Variants in RYR3 observed in about 807,000 individuals in gnomAD.
RYR3 encodes brain ryanodine receptor-calcium release channel.
In RYR3, 207 loss-of-function variants were observed where a neutral mutation model predicts 584.3. The ratio of observed to expected loss-of-function variants is 0.35; its 90% CI spans 0.32 to 0.40. RYR3 has a LOEUF of 0.40. Ranked by LOEUF, RYR3 falls within the 10% of genes least tolerant of loss-of-function variation. The pLI, the probability that RYR3 is intolerant of heterozygous loss-of-function variation, is 1.00. For missense variants in RYR3, 5,616 were observed against 6,089.2 expected, an observed-to-expected ratio of 0.92 and a Z score of 2.59; for synonymous variants, 2,416 against 2,248.5, an observed-to-expected ratio of 1.07 and a Z score of -2.11.
intron 16 of RYR3, among the ~76,000 whole-genome samples, chr15:33,596,344 G>A (rs1002664977): frequency 1.3e-5 from 2 of 151,710 alleles, no homozygotes; most frequent in African/African-American, 4.8e-5. Context: ...AAATATTTGT[G>A]CCATTACATT....
chr15:33,625,031 T>A (rs2060913694), intron 20 of RYR3, among the ~76,000 whole-genome samples: 1 of 152,190 alleles, frequency 6.6e-6, no homozygotes. Context: ...AAGAACTACC[T>A]GAGACTGGGT....
intron 51 of RYR3, among the ~76,000 whole-genome samples, chr15:33,741,271 A>T (rs1486727181): frequency 6.6e-6 from 1 of 152,216 alleles, no homozygotes; most frequent in Non-Finnish European, 1.5e-5. Context: ...TGAAAGGCCA[A>T]CCTGGCCTTA....
intron 67 of RYR3, among the ~76,000 whole-genome samples, chr15:33,798,476 A>G (rs116299348): frequency 0.029 from 4,491 of 152,324 alleles, 202 homozygotes; most frequent in African/African-American, 0.099. Context: ...AGTTCCAGCC[A>G]TCATATTTTC....
intron 56 of RYR3, 45 bp from the exon 57 acceptor site, chr15:33,750,118 T>G: frequency 6.2e-7 from 1 of 1,607,616 alleles, no homozygotes; most frequent in Non-Finnish European, 8.5e-7. Flanking sequence ...CTCCCAGAAG[T>G]GCAAAGGAAG....
At position 33,377,301 on chromosome 15, in the gene RYR3, G is replaced by A. The variant is rs561537860; in HGVS notation, c.51+66205G>A. On this transcript the variant is annotated intron_variant, in intron 1 of 103. Transcript: ENST00000634891. The stretch of plus-strand genomic sequence containing the variant: ...GGGCAGCTCTTCTCTAAACAATGAC[G>A]CAGACACCCTGGCTGCTTCCATCTG... Among the ~76,000 whole-genome samples, 11 of 152,252 alleles carry A rather than the reference G, an allele frequency of 7.2e-5. No homozygotes were observed. In the South Asian group the frequency reaches 8.3e-4, roughly 11 times the overall value.
chr15:33,691,472 G>A (rs1312288251), intron 38 of RYR3, among the ~76,000 whole-genome samples: 1 of 152,040 alleles, frequency 6.6e-6, no homozygotes, highest in African/African-American at 2.4e-5. Context: ...TTCATTATTG[G>A]CAACAAATAC....
chr15:33,500,613 C>T (rs1314989296), intron 2 of RYR3, among the ~76,000 whole-genome samples: 26 of 152,104 alleles, frequency 1.7e-4, no homozygotes, highest in Non-Finnish European at 1.5e-5. Context: ...GGAGCTATTT[C>T]AGAACAGATG....
chr15:33,684,872 A>G (rs573145337), intron 38 of RYR3, among the ~76,000 whole-genome samples: 12 of 152,278 alleles, frequency 7.9e-5, no homozygotes, highest in African/African-American at 2.9e-4. Context: ...GAGAAACAAA[A>G]TCCTTTATAG....
chr15:33,441,513 A>G (rs945828262), intron 1 of RYR3, among the ~76,000 whole-genome samples: 1 of 152,260 alleles, frequency 6.6e-6, no homozygotes, highest in Non-Finnish European at 1.5e-5. Context: ...TGGGGGAGGC[A>G]GATAGTCATT....
rs1470784406 is a variant in RYR3 at position 33,785,734 on chromosome 15, T to G, written c.9341T>G (p.Ile3114Ser). The G allele has an allele frequency of 6.2e-7, 1 of 1,613,722 alleles. No individual in the cohort carries two copies. The highest frequency in any genetic ancestry group is 2.2e-5 in the East Asian group (1 of 44,876). The change falls in exon 66 of 104, where the codon ATC (isoleucine) becomes AGC (serine). Residue 3114 changes from isoleucine (I) to serine (S), a missense_variant. Physicochemically the swap from Ile to Ser is moderately radical, Grantham distance 142. This residue lies in a region of RYR3 where 954 missense variants were observed against 1,132.2 expected (regional missense o/e 0.84). Transcript: ENST00000634891. Reference protein sequence around the residue: ...IPQLEGLMKEINDLAESGARY... With the variant: ...IPQLEGLMKESNDLAESGARY... ...CAGCTGGAAGGCCTGATGAAGGAAA[T>G]CAACGACCTGGCCGAGTCAGGGGCC...
At chr15:33,528,218 C>T (rs552134317) in intron 3 of RYR3, among the ~76,000 whole-genome samples, 24 of 152,252 alleles carry the variant, frequency 1.6e-4, no homozygotes, top group East Asian at 1.4e-3. Flanking sequence ...GGAACAAAGT[C>T]CATCCACTGA....
intron 17 of RYR3, among the ~76,000 whole-genome samples, chr15:33,602,901 A>G (rs1046581304): frequency 1.5e-4 from 23 of 152,050 alleles, no homozygotes; most frequent in African/African-American, 4.6e-4. Flanking sequence ...GTGCACCACC[A>G]TACCCAGCTA....
chr15:33,656,022 A>G (rs1004219184), intron 32 of RYR3, among the ~76,000 whole-genome samples: 1 of 152,184 alleles, frequency 6.6e-6, no homozygotes, highest in African/African-American at 2.4e-5. Context: ...ACTTAATATA[A>G]TCAGTGGCGA....
At chr15:33,627,079 T>C (rs979013035) in intron 20 of RYR3, among the ~76,000 whole-genome samples, 9 of 152,134 alleles carry the variant, frequency 5.9e-5, no homozygotes, top group African/African-American at 2.2e-4. Flanking sequence ...GCTTGCACCA[T>C]GCACCTGGAA....
rs149983467 is a variant in RYR3 at position 33,654,231 on chromosome 15, G to A, written c.4308+1348G>A. Reference sequence around the variant, plus strand: ...TTTTTTAAGGAAAAAGCGTTTTTACGGGCCAGGCATGGAGGCTCACACCTG... The same window carrying A: ...TTTTTTAAGGAAAAAGCGTTTTTACAGGCCAGGCATGGAGGCTCACACCTG... On this transcript the variant is annotated intron_variant, in intron 32 of 103. Coordinates refer to ENST00000634891, the MANE Select transcript of RYR3 (RefSeq NM_001036.6). 4.2e-3 allele frequency among the ~76,000 whole-genome samples: 639 copies of A among 152,138 alleles called. 6 individuals are homozygous for A. Among genetic ancestry groups the A allele is most frequent in the African/African-American group, 0.015 (607 of 41,488 alleles).
At chr15:33,745,745 C>A (rs1427642334) in intron 52 of RYR3, among the ~76,000 whole-genome samples, 2 of 152,186 alleles carry the variant, frequency 1.3e-5, no homozygotes, top group African/African-American at 4.8e-5. Flanking sequence ...CTCTGTTCTT[C>A]CTGCGAGGGG....
intron 86 of RYR3, among the ~76,000 whole-genome samples, 187 bp downstream of exon 86, chr15:33,831,278 G>A (rs1356969917): frequency 1.3e-5 from 2 of 152,236 alleles, no homozygotes; most frequent in Non-Finnish European, 2.9e-5. Context: ...ATAGTTTGGG[G>A]TCCCCCCACT....
intron 27 of RYR3, among the ~76,000 whole-genome samples, chr15:33,640,583 G>A (rs1173330132): frequency 1.3e-5 from 2 of 152,112 alleles, no homozygotes; most frequent in Admixed American, 1.3e-4. Context: ...TTTTGAGAGA[G>A]CTGACTTCTT....
chr15:33,549,854 G>T (rs905299820), intron 9 of RYR3, among the ~76,000 whole-genome samples: 1 of 152,102 alleles, frequency 6.6e-6, no homozygotes, highest in Non-Finnish European at 1.5e-5. Context: ...TTGATTTGTG[G>T]TTATTTGCAT....
Sources: allele counts gnomAD v4.1 joint callset (sites outside exome capture counted in the v4.1 genomes callset), GRCh38; gene constraint gnomAD v4.1.1; regional missense constraint gnomAD v4.1.1; transcripts MANE v1.5; gene names NCBI Gene and HGNC (gene_info 2026-07-23, HGNC 2026-07-21).